Variants in PDGFD observed in about 807,000 individuals in gnomAD.
PDGFD encodes the protein platelet-derived growth factor D.
A neutral mutation model predicts 44.7 loss-of-function variants in PDGFD; 30 were observed. The ratio of observed to expected loss-of-function variants is 0.67; its 90% CI spans 0.50 to 0.91. The LOEUF (loss-of-function observed/expected upper bound fraction) is 0.91. Among genes scored for constraint, PDGFD ranks in the 40% least tolerant of loss-of-function variants. PDGFD has a pLI of 0.00. For synonymous variants in PDGFD, 173 were observed against 168.4 expected (o/e 1.03, Z -0.21); for missense variants, 445 against 457.8 (o/e 0.97, Z 0.25).
intron 3 of PDGFD, among the ~76,000 whole-genome samples, chr11:103,951,591 T>TA (rs1858758211): frequency 2.6e-5 from 4 of 152,202 alleles, no homozygotes; most frequent in Admixed American, 2.6e-4. Context: ...CCTTTCCCAC[T>TA]ACCTCCACTC....
chr11:103,911,130 T>C (rs897538966), intron 6 of PDGFD, among the ~76,000 whole-genome samples: 2 of 152,272 alleles, frequency 1.3e-5, no homozygotes, highest in African/African-American at 4.8e-5. Flanking sequence ...ACAGAGAACC[T>C]GGGGGAAGGG....
intron 1 of PDGFD, among the ~76,000 whole-genome samples, chr11:104,004,965 G>A (rs1373772638): frequency 7.8e-6 from 1 of 127,806 alleles, no homozygotes; most frequent in East Asian, 2.7e-4. Context: ...TGCAACCTCC[G>A]CCTCCCGGGT....
chr11:103,933,191 G>A (rs1298376578), intron 5 of PDGFD, among the ~76,000 whole-genome samples: 1 of 152,118 alleles, frequency 6.6e-6, no homozygotes, highest in African/African-American at 2.4e-5. Context: ...TTTGGGGTGG[G>A]GTGGGAGGTG....
At chr11:103,966,920 CCT>C (rs1859028758) in intron 3 of PDGFD, among the ~76,000 whole-genome samples, 1 of 152,130 alleles carries the variant, frequency 6.6e-6, no homozygotes, top group African/African-American at 2.4e-5. Flanking sequence ...CAGTGCTTCC[CCT>C]GAGGCCTACC....
intron 1 of PDGFD, among the ~76,000 whole-genome samples, chr11:104,013,486 C>T (rs1423131409): frequency 6.6e-6 from 1 of 152,108 alleles, no homozygotes; most frequent in African/African-American, 2.4e-5. Context: ...GGCACCCGCT[C>T]GCCTGCATGC....
chr11:104,004,942 G>A (rs1859678438), intron 1 of PDGFD, among the ~76,000 whole-genome samples: 2 of 122,304 alleles, frequency 1.6e-5, no homozygotes, highest in Non-Finnish European at 3.2e-5. Context: ...GCAGTGGTAT[G>A]ATCTTGGCAC....
intron 1 of PDGFD, among the ~76,000 whole-genome samples, chr11:104,103,859 T>C (rs1434076601): frequency 6.6e-6 from 1 of 152,120 alleles, no homozygotes; most frequent in Non-Finnish European, 1.5e-5. Flanking sequence ...TACTATATTA[T>C]CATTATTTTA....
chr11:104,083,530 T>C (rs538349), intron 1 of PDGFD, among the ~76,000 whole-genome samples: 60,586 of 152,016 alleles, frequency 0.4, 12,439 homozygotes, highest in East Asian at 0.57. Context: ...AACACAAAAG[T>C]ATCAAATGTT....
At chr11:104,110,156 T>C (rs1183640882) in intron 1 of PDGFD, among the ~76,000 whole-genome samples, 3 of 152,188 alleles carry the variant, frequency 2.0e-5, no homozygotes, top group Non-Finnish European at 4.4e-5. Flanking sequence ...GAGATTTTCC[T>C]AAACTGAGAT....
At chr11:104,163,334 C>T (rs191823227) in intron 1 of PDGFD, among the ~76,000 whole-genome samples, 44 of 152,158 alleles carry the variant, frequency 2.9e-4, no homozygotes, top group African/African-American at 1.0e-3. Context: ...TTGAAACGCA[C>T]GATTTCTCCT....
Position 103,996,057 on chromosome 11 carries a change from G to A in PDGFD, c.510+8C>T. ...CTGCTTTTAATCATAAAGTGGTTAAGTACTCACCAGCAAAGAATAATAAAT... is the reference window on the plus strand; with the variant it reads ...CTGCTTTTAATCATAAAGTGGTTAAATACTCACCAGCAAAGAATAATAAAT... On this transcript the variant is annotated splice_region_variant and intron_variant, in intron 3 of 6. Transcript: ENST00000393158. 3 of 1,610,354 alleles carry A rather than the reference G, an allele frequency of 1.9e-6. No individual in the cohort carries two copies. The highest frequency in any genetic ancestry group is 1.7e-4 in the Middle Eastern group (1 of 5,976).
chr11:104,083,336 T>A (rs1181067522), intron 1 of PDGFD, among the ~76,000 whole-genome samples: 1 of 152,142 alleles, frequency 6.6e-6, no homozygotes, highest in Non-Finnish European at 1.5e-5. Context: ...AGCAATATTT[T>A]TAATATAAAG....
intron 1 of PDGFD, among the ~76,000 whole-genome samples, chr11:104,023,951 A>G: frequency 6.6e-6 from 1 of 152,190 alleles, no homozygotes; most frequent in East Asian, 1.9e-4. Context: ...AGGTGGACAA[A>G]CTTGGAACAT....
At chr11:104,027,971 A>G (rs1378564394) in intron 1 of PDGFD, among the ~76,000 whole-genome samples, 1 of 152,098 alleles carries the variant, frequency 6.6e-6, no homozygotes, top group African/African-American at 2.4e-5. Flanking sequence ...CAGGAGGATC[A>G]AGAGGTCAGG....
At chr11:103,968,676 C>G (rs1167388773) in intron 3 of PDGFD, among the ~76,000 whole-genome samples, 1 of 152,180 alleles carries the variant, frequency 6.6e-6, no homozygotes, top group Non-Finnish European at 1.5e-5. Flanking sequence ...AATAAACAGT[C>G]TTTCTCAATT....
At chr11:104,125,909 A>G (rs1861835188) in intron 1 of PDGFD, among the ~76,000 whole-genome samples, 1 of 152,170 alleles carries the variant, frequency 6.6e-6, no homozygotes, top group African/African-American at 2.4e-5. Context: ...CAATTCAGAA[A>G]ACTAGAATAA....
intron 5 of PDGFD, among the ~76,000 whole-genome samples, chr11:103,933,955 G>A (rs1858446648): frequency 6.6e-6 from 1 of 152,166 alleles, no homozygotes; most frequent in Non-Finnish European, 1.5e-5. Context: ...CTGGGGTGAT[G>A]TATAAAGCAT....
At chr11:104,157,180 C>T (rs558971138) in intron 1 of PDGFD, among the ~76,000 whole-genome samples, 18 of 152,218 alleles carry the variant, frequency 1.2e-4, no homozygotes, top group South Asian at 4.1e-4. Flanking sequence ...ACAACCAGGG[C>T]GAGGGGGGTA....
At chr11:104,033,079 A>T (rs1860155163) in intron 1 of PDGFD, among the ~76,000 whole-genome samples, 1 of 148,522 alleles carries the variant, frequency 6.7e-6, no homozygotes, top group Non-Finnish European at 1.5e-5. Flanking sequence ...TGTGTGTAAT[A>T]TATTTTATAT....
Sources: gnomAD v4.1 joint callset for allele counts (sites outside exome capture counted in the v4.1 genomes callset) on GRCh38, gnomAD v4.1.1 for gene constraint, MANE v1.5 for transcripts, NCBI Gene and HGNC (gene_info 2026-07-23, HGNC 2026-07-21) for gene names.